ROBO2: variants seen among roughly 807,000 people sequenced by gnomAD.
ROBO2 encodes the protein roundabout homolog 2.
In ROBO2, 53 loss-of-function variants were observed where a neutral mutation model predicts 160.8. That is an observed-to-expected ratio of 0.33 (90% CI 0.26 to 0.41). The LOEUF is 0.41. Ranked by LOEUF, ROBO2 falls within the 10% of genes least tolerant of loss-of-function variation. The pLI is 1.00. For missense variants in ROBO2, 1,577 were observed against 1,722.4 expected, an observed-to-expected ratio of 0.92 and a Z score of 1.49; for synonymous variants, 664 against 611.7, an observed-to-expected ratio of 1.09 and a Z score of -1.26.
At chr3:77,501,203 A>G (rs943695738) in intron 5 of ROBO2, among the ~76,000 whole-genome samples, 1 of 152,136 alleles carries the variant, frequency 6.6e-6, no homozygotes, top group Non-Finnish European at 1.5e-5. Context: ...GGCTTACCAG[A>G]AGGTAGCTCT....
intron 2 of ROBO2, among the ~76,000 whole-genome samples, chr3:77,465,206 T>G (rs995337234): frequency 7.9e-5 from 12 of 152,314 alleles, no homozygotes; most frequent in African/African-American, 2.9e-4. Flanking sequence ...AGTTTGTGAA[T>G]TTTAGTAATA....
intron 2 of ROBO2, among the ~76,000 whole-genome samples, chr3:76,130,716 G>T (rs1393373972): frequency 1.3e-5 from 2 of 152,064 alleles, no homozygotes; most frequent in Admixed American, 6.6e-5. Flanking sequence ...AATAGGAAGA[G>T]AATTATTGTC....
intron 1 of ROBO2, among the ~76,000 whole-genome samples, chr3:75,936,928 A>T (rs73123282): frequency 6.6e-6 from 1 of 152,058 alleles, no homozygotes; most frequent in Non-Finnish European, 1.5e-5. Flanking sequence ...TAATTTTACT[A>T]TCAATTTTAA....
intron 2 of ROBO2, among the ~76,000 whole-genome samples, chr3:76,390,155 G>A (rs2077077729): frequency 1.3e-5 from 2 of 152,044 alleles, no homozygotes; most frequent in South Asian, 4.1e-4. Flanking sequence ...GCTAACCTCT[G>A]TTCAAAACAT....
At chr3:76,794,976 C>G (rs2063594282) in intron 2 of ROBO2, among the ~76,000 whole-genome samples, 1 of 151,896 alleles carries the variant, frequency 6.6e-6, no homozygotes, top group Admixed American at 6.6e-5. Context: ...TCCAGACCAC[C>G]ACAAGTAGCA....
At chr3:76,458,537 T>C (rs1317045532) in intron 2 of ROBO2, among the ~76,000 whole-genome samples, 2 of 152,206 alleles carry the variant, frequency 1.3e-5, no homozygotes, top group East Asian at 1.9e-4. Flanking sequence ...TTCCAACCTC[T>C]GCCTGTTACC....
At chr3:76,366,901 G>T (rs1430588434) in intron 2 of ROBO2, among the ~76,000 whole-genome samples, 5 of 151,718 alleles carry the variant, frequency 3.3e-5, no homozygotes, top group Admixed American at 6.6e-5. Flanking sequence ...TGCATTCCAA[G>T]CAATAAAAAT....
Position 77,386,603 on chromosome 3 carries a change from A to ATTTTTTTTTTTTTTTTTTTTTTTTTT in ROBO2, c.389-90794_389-90793insTTTTTTTTTTTTTTTTTTTTTTTTTT, listed in dbSNP as rs71104679. ...AGTTAATTATTTTTTCAGCCAGGTA[A>ATTTTTTTTTTTTTTTTTTTTTTTTTT]TTTTTTTTTTTTTTTTTGAAATAGA... is the stretch of plus-strand genomic sequence containing the variant. On this transcript the variant is annotated intron_variant, in intron 2 of 25. Coordinates refer to ENST00000461745, the Ensembl canonical transcript of ROBO2. Among the ~76,000 whole-genome samples, 43 of 91,894 alleles carry ATTTTTTTTTTTTTTTTTTTTTTTTTT rather than the reference A, an allele frequency of 4.7e-4. 11 individuals are homozygous for ATTTTTTTTTTTTTTTTTTTTTTTTTT. The highest frequency in any genetic ancestry group is 1.0e-3 in the South Asian group (2 of 2,004). The allele number at this position is 91,894 out of a possible 152,430, so 60.3% of individuals were successfully genotyped here. A position where few individuals can be genotyped will look rare whatever the true frequency, so the allele number is the denominator to read the frequency against.
chr3:76,754,245 C>T (rs1423680906), intron 2 of ROBO2, among the ~76,000 whole-genome samples: 2 of 151,766 alleles, frequency 1.3e-5, no homozygotes, highest in Admixed American at 6.6e-5. Flanking sequence ...CTCTCTAGGC[C>T]GTTAGAGAAA....
intron 2 of ROBO2, among the ~76,000 whole-genome samples, chr3:76,073,870 C>G (rs192348407): frequency 2.0e-5 from 3 of 152,226 alleles, no homozygotes; most frequent in East Asian, 1.9e-4. Flanking sequence ...CTTTTAAAAA[C>G]CTTTCTAGTA....
chr3:77,271,194 G>T (rs577670018), intron 2 of ROBO2, among the ~76,000 whole-genome samples: 12 of 152,168 alleles, frequency 7.9e-5, no homozygotes, highest in African/African-American at 2.6e-4. Flanking sequence ...GTGTTAGAAT[G>T]ATAACATTGA....
chr3:77,164,915 C>A (rs1326698589), intron 2 of ROBO2, among the ~76,000 whole-genome samples: 1 of 109,696 alleles, frequency 9.1e-6, no homozygotes, highest in African/African-American at 3.1e-5. Flanking sequence ...CCCGGCCAGC[C>A]GCCCCGTCCG....
Position 76,662,306 on chromosome 3 carries a change from G to A in ROBO2, c.110-435708G>A, listed in dbSNP as rs150821921. ...CAAGTCAACTGACCATGTTACCATA[G>A]GGCAACTTATTACTTCTTTAAAAAA... On this transcript the variant is annotated intron_variant, in intron 2 of 26. Transcript: ENST00000487694. Among the ~76,000 whole-genome samples, 1,221 of 152,190 alleles carry A rather than the reference G, an allele frequency of 8.0e-3. 9 individuals are homozygous for A. The highest frequency in any genetic ancestry group is 0.026 in the African/African-American group (1,087 of 41,522).
intron 2 of ROBO2, among the ~76,000 whole-genome samples, chr3:76,006,027 C>T (rs568740701): frequency 1.3e-5 from 2 of 152,250 alleles, no homozygotes; most frequent in Admixed American, 6.5e-5. Context: ...TGTTTGGTTT[C>T]TCCATTGTCT....
intron 2 of ROBO2, among the ~76,000 whole-genome samples, chr3:76,697,883 G>C (rs757998638): frequency 4.2e-4 from 64 of 152,222 alleles, no homozygotes; most frequent in Non-Finnish European, 7.8e-4. Context: ...ACAGAGAGCA[G>C]GTGGCATTTG....
At chr3:77,256,134 T>A (rs1170104872) in intron 2 of ROBO2, among the ~76,000 whole-genome samples, 1 of 152,224 alleles carries the variant, frequency 6.6e-6, no homozygotes, top group African/African-American at 2.4e-5. Flanking sequence ...TTATTTGTTT[T>A]TAGGTGTCAG....
At chr3:76,156,081 A>G (rs1329260463) in intron 2 of ROBO2, among the ~76,000 whole-genome samples, 1 of 150,884 alleles carries the variant, frequency 6.6e-6, no homozygotes, top group Non-Finnish European at 1.5e-5. Flanking sequence ...CATTTTTGAC[A>G]ATTTTTTTTT....
chr3:76,003,085 T>C (rs576111588), intron 2 of ROBO2, among the ~76,000 whole-genome samples: 2 of 152,328 alleles, frequency 1.3e-5, no homozygotes, highest in East Asian at 3.9e-4. Context: ...GGTAGACCAC[T>C]GCTGGGCCCA....
intron 2 of ROBO2, among the ~76,000 whole-genome samples, chr3:77,462,317 G>A (rs2082328339): frequency 6.6e-6 from 1 of 151,994 alleles, no homozygotes; most frequent in South Asian, 2.1e-4. Flanking sequence ...CTCGCAATAG[G>A]CCTTCAGTTA....
Sources: gnomAD v4.1 joint callset for allele counts (sites outside exome capture counted in the v4.1 genomes callset) on GRCh38, gnomAD v4.1.1 for gene constraint, MANE v1.5 for transcripts, NCBI Gene and HGNC (gene_info 2026-07-23, HGNC 2026-07-21) for gene names.